Variants in GHR observed in about 807,000 individuals in gnomAD.
GHR encodes the protein growth hormone receptor, also known as GH receptor.
GHR carries 35 observed loss-of-function variants against 67.1 expected under a neutral mutation model. That is an observed-to-expected ratio of 0.52 (90% CI 0.40 to 0.69). GHR has a LOEUF of 0.69. Ranked by LOEUF, GHR falls within the 30% of genes least tolerant of loss-of-function variation. GHR has a pLI of 0.00. For missense variants in GHR, 792 were observed against 764.6 expected, an observed-to-expected ratio of 1.04 and a Z score of -0.42; for synonymous variants, 272 against 269.1, an observed-to-expected ratio of 1.01 and a Z score of -0.10.
intron 1 of GHR, chr5:42,468,456 G>A: frequency 9.3e-6 from 8 of 860,120 alleles, no homozygotes; most frequent in Middle Eastern, 7.4e-4. Context: ...GCCTACGTGC[G>A]CAGCTGAGAG....
intron 2 of GHR, among the ~76,000 whole-genome samples, chr5:42,603,200 A>C (rs1752467026): frequency 6.6e-6 from 1 of 152,002 alleles, no homozygotes. Flanking sequence ...TCAGGCCTGC[A>C]AGGTTTCTGC....
chr5:42,647,109 G>C (rs1219045102), intron 3 of GHR, among the ~76,000 whole-genome samples: 2 of 152,024 alleles, frequency 1.3e-5, no homozygotes, highest in African/African-American at 2.4e-5. Context: ...ATAGTATGTG[G>C]GTGATGCCGC....
intron 2 of GHR, among the ~76,000 whole-genome samples, chr5:42,622,334 T>C (rs1753490475): frequency 1.3e-5 from 2 of 152,188 alleles, no homozygotes; most frequent in African/African-American, 2.4e-5. Context: ...TGAGTACCAA[T>C]TGTGGCACAT....
intron 1 of GHR, among the ~76,000 whole-genome samples, chr5:42,540,053 C>T (rs964188265): frequency 6.6e-6 from 1 of 152,126 alleles, no homozygotes; most frequent in Non-Finnish European, 1.5e-5. Context: ...TTTTTCTGCA[C>T]ATTCGAATAA....
intron 2 of GHR, among the ~76,000 whole-genome samples, chr5:42,576,226 G>A (rs1455002913): frequency 2.6e-5 from 4 of 151,982 alleles, no homozygotes; most frequent in African/African-American, 9.6e-5. Context: ...GACTTTGGTA[G>A]TTTCTTACAT....
chr5:42,695,055 A>G lies in GHR; in HGVS notation c.405A>G (p.Thr135=). The G allele has an allele frequency of 6.2e-7, 1 of 1,611,746 alleles. No individual in the cohort carries two copies. Among genetic ancestry groups the G allele is most frequent in the African/African-American group, 1.3e-5 (1 of 75,004 alleles). ...TCAAGCTAACTAGCAATGGTGGTAC[A>G]GTGGATGAAAAGTGTTTCTCTGTTG... ...YCIKLTSNGG[T]VDEKCFSVDE... The change falls in exon 5 of 10, where the codon ACA becomes ACG. Residue 135 remains threonine, a synonymous_variant. Coordinates refer to ENST00000230882, the MANE Select transcript of GHR (RefSeq NM_000163.5).
intron 1 of GHR, among the ~76,000 whole-genome samples, chr5:42,532,702 A>G (rs1326040081): frequency 6.6e-6 from 1 of 152,180 alleles, no homozygotes; most frequent in Non-Finnish European, 1.5e-5. Context: ...TGTGGAATGT[A>G]TTCTAGAATT....
In GHR at chr5:42,489,647, T is replaced by G. The variant is rs75120366; in HGVS notation, c.-12+65692T>G. On this transcript the variant is annotated intron_variant, in intron 1 of 9. Coordinates refer to ENST00000230882, the MANE Select transcript of GHR (RefSeq NM_000163.5). ...AATAGGCTCATCACTTTGCCTTCTT[T>G]CCTTGTTCTATCATGTAGAGGGTTG... is the stretch of plus-strand genomic sequence containing the variant. Among the ~76,000 whole-genome samples the G allele has an allele frequency of 1.1e-4, 17 of 152,310 alleles. No individual in the cohort carries two copies. In the East Asian group the frequency reaches 3.3e-3, roughly 29 times the overall value.
intron 2 of GHR, among the ~76,000 whole-genome samples, chr5:42,614,068 TATAGCTTAGTAATCCCA>T (rs1753018359): frequency 6.6e-6 from 1 of 152,108 alleles, no homozygotes. Flanking sequence ...CTTCTCAAAC[TATAGCTTAGTAATCCCA>T]GCTCAGAAGT....
chr5:42,439,106 A>G (rs1743457355), intron 1 of GHR, among the ~76,000 whole-genome samples: 1 of 152,222 alleles, frequency 6.6e-6, no homozygotes, highest in African/African-American at 2.4e-5. Flanking sequence ...ATTAATGTCC[A>G]AAAAACATCA....
intron 1 of GHR, among the ~76,000 whole-genome samples, chr5:42,557,516 G>A (rs1472749904): frequency 6.6e-6 from 1 of 152,158 alleles, no homozygotes; most frequent in African/African-American, 2.4e-5. Flanking sequence ...CAGAGGGAAT[G>A]CCAAATGCTT....
intron 1 of GHR, among the ~76,000 whole-genome samples, chr5:42,496,793 C>T (rs1435326678): frequency 2.0e-5 from 3 of 152,142 alleles, no homozygotes; most frequent in African/African-American, 7.2e-5. Flanking sequence ...TGGTTTCTTC[C>T]TACCTTAATG....
chr5:42,537,690 GT>G (rs1304910675), intron 1 of GHR, among the ~76,000 whole-genome samples: 28 of 152,112 alleles, frequency 1.8e-4, no homozygotes, highest in African/African-American at 6.5e-4. Context: ...TCCAAGTACA[GT>G]TTAAATCCAT....
chr5:42,529,032 G>C (rs987183852), intron 1 of GHR, among the ~76,000 whole-genome samples: 1 of 141,452 alleles, frequency 7.1e-6, no homozygotes, highest in Non-Finnish European at 1.5e-5. Context: ...TTTTTTTTGA[G>C]ACAGAGTCTT....
intron 1 of GHR, 92 bp from the exon 2 acceptor site, chr5:42,565,772 C>T: frequency 6.2e-7 from 1 of 1,608,670 alleles, no homozygotes; most frequent in Non-Finnish European, 8.5e-7. Context: ...CTCGTCAGCT[C>T]ATTCATGTCT....
chr5:42,712,105 C>T (rs1239291164), intron 7 of GHR, among the ~76,000 whole-genome samples: 1 of 151,988 alleles, frequency 6.6e-6, no homozygotes, highest in Admixed American at 6.5e-5. Context: ...GGCTCTATTC[C>T]ATCTTCATTG....
intron 1 of GHR, among the ~76,000 whole-genome samples, chr5:42,557,358 A>G (rs142567877): frequency 1.5e-4 from 23 of 152,240 alleles, no homozygotes; most frequent in African/African-American, 5.5e-4. Context: ...GCTCTACCAC[A>G]TGCCTAGATG....
At chr5:42,457,266 A>C (rs1316615830) in intron 1 of GHR, among the ~76,000 whole-genome samples, 1 of 152,178 alleles carries the variant, frequency 6.6e-6, no homozygotes, top group Non-Finnish European at 1.5e-5. Context: ...AGAATTTTAC[A>C]TTTTATAGGT....
intron 1 of GHR, among the ~76,000 whole-genome samples, chr5:42,557,943 T>C (rs937597518): frequency 6.6e-6 from 1 of 152,226 alleles, no homozygotes; most frequent in Non-Finnish European, 1.5e-5. Context: ...CCCAGCCAGT[T>C]TGTGCTGGGT....
Sources: gnomAD v4.1 joint callset for allele counts (sites outside exome capture counted in the v4.1 genomes callset) on GRCh38, gnomAD v4.1.1 for gene constraint, MANE v1.5 for transcripts, NCBI Gene and HGNC (gene_info 2026-07-23, HGNC 2026-07-21) for gene names.